SETD5: variants seen among roughly 807,000 people sequenced by gnomAD.
SETD5 encodes the protein histone-lysine N-methyltransferase SETD5.
SETD5 carries 44 observed loss-of-function variants against 153.3 expected under a neutral mutation model. The ratio of observed to expected loss-of-function variants is 0.29; its 90% CI spans 0.23 to 0.37. The LOEUF (loss-of-function observed/expected upper bound fraction) is 0.37. Ranked by LOEUF, SETD5 falls within the 10% of genes least tolerant of loss-of-function variation. The probability of loss-of-function intolerance (pLI) is 1.00; values close to 1 mark genes in which losing one functional copy is unlikely to be tolerated. For missense variants in SETD5, 1,544 were observed against 1,768.0 expected (o/e 0.87, Z 2.27); for synonymous variants, 716 against 645.2 (o/e 1.11, Z -1.66).
At chr3:9,426,975 T>G (rs986942796) in intron 2 of SETD5, among the ~76,000 whole-genome samples, 7 of 152,114 alleles carry the variant, frequency 4.6e-5, no homozygotes, top group African/African-American at 1.7e-4. Context: ...CTCTACCTCC[T>G]GTGCTCAGGT....
At chr3:9,450,083 A>G (rs181052450) in intron 16 of SETD5, among the ~76,000 whole-genome samples, 2 of 152,292 alleles carry the variant, frequency 1.3e-5, no homozygotes, top group East Asian at 3.9e-4. Context: ...ATCTTTTCCA[A>G]CTAGCAGAGA....
intron 1 of SETD5, among the ~76,000 whole-genome samples, chr3:9,408,045 T>G (rs1378593246): frequency 6.6e-6 from 1 of 152,138 alleles, no homozygotes; most frequent in Non-Finnish European, 1.5e-5. Context: ...CACGTTTTAC[T>G]TTCCTTGGGA....
At chr3:9,409,810 A>T (rs1442714378) in intron 1 of SETD5, among the ~76,000 whole-genome samples, 1 of 152,236 alleles carries the variant, frequency 6.6e-6, no homozygotes, top group Non-Finnish European at 1.5e-5. Context: ...ACTCAGTGCT[A>T]CATGATGTTT....
At chr3:9,413,900 C>G (rs1428491884) in intron 1 of SETD5, among the ~76,000 whole-genome samples, 3 of 152,054 alleles carry the variant, frequency 2.0e-5, no homozygotes, top group African/African-American at 7.2e-5. Flanking sequence ...ACCTCAGCCT[C>G]CCAAGTAGCT....
chr3:9,437,378 AAG>A (rs1283746083), intron 7 of SETD5, among the ~76,000 whole-genome samples: 4 of 152,184 alleles, frequency 2.6e-5, no homozygotes, highest in Non-Finnish European at 5.9e-5. Context: ...TATCAAATAA[AAG>A]AGTTTATGAA....
Position 9,445,030 on chromosome 3 carries a change from G to A in SETD5, c.1188-18G>A. On this transcript the variant is annotated intron_variant, in intron 11 of 22. Coordinates refer to ENST00000402198, the MANE Select transcript of SETD5 (RefSeq NM_001080517.3). ...CAAGGGTACTGAGACAGGCATTTTG[G>A]TTGTTTCTTTGGAGCAGTAATTATA... 6.2e-7 allele frequency: 1 copy of A among 1,608,612 alleles called. No individual in the cohort carries two copies. The highest frequency in any genetic ancestry group is 8.5e-7 in the Non-Finnish European group (1 of 1,176,872).
chr3:9,436,478 C>G (rs1003767363), intron 7 of SETD5, among the ~76,000 whole-genome samples: 3 of 152,174 alleles, frequency 2.0e-5, no homozygotes, highest in Non-Finnish European at 4.4e-5. Flanking sequence ...ACTTGTTCAT[C>G]CCTTGTTAAG....
chr3:9,415,805 TCTC>T (rs2037330522), intron 1 of SETD5, among the ~76,000 whole-genome samples: 1 of 151,466 alleles, frequency 6.6e-6, no homozygotes, highest in South Asian at 2.1e-4. Flanking sequence ...CTCAAGTGAT[TCTC>T]CTAAGTCAGC....
rs1367752837 is a variant in SETD5, at chr3:9,475,684, A to G, written c.3922A>G (p.Thr1308Ala). The part of the protein sequence containing the change: ...SYSSPAHPVS[T>A]DSLAPFTGTP... Reference sequence around the variant, plus strand: ...TTCCAGCCCCGCCCACCCTGTGTCCACAGACTCGTTGGCCCCATTTACGGG... The same window carrying G: ...TTCCAGCCCCGCCCACCCTGTGTCCGCAGACTCGTTGGCCCCATTTACGGG... Residue 1308 changes from threonine to alanine, a missense_variant, in exon 23 of 23, where the codon ACA (threonine) becomes GCA (alanine). This residue lies in a region of SETD5 where 302 missense variants were observed against 277.6 expected (regional missense o/e 1.09). Coordinates refer to ENST00000402198, the MANE Select transcript of SETD5 (RefSeq NM_001080517.3). 1 of 1,613,710 alleles carries G rather than the reference A, an allele frequency of 6.2e-7. No individual in the cohort carries two copies. The highest frequency in any genetic ancestry group is 8.5e-7 in the Non-Finnish European group (1 of 1,179,852).
At chr3:9,406,835 C>G (rs2035782996) in intron 1 of SETD5, among the ~76,000 whole-genome samples, 1 of 152,128 alleles carries the variant, frequency 6.6e-6, no homozygotes, top group Admixed American at 6.5e-5. Context: ...AATTGTTACA[C>G]ATTTTAATAT....
intron 1 of SETD5, among the ~76,000 whole-genome samples, chr3:9,404,047 G>T (rs1274055631): frequency 1.3e-5 from 2 of 152,136 alleles, no homozygotes; most frequent in Admixed American, 1.3e-4. Flanking sequence ...TATTTTAAAA[G>T]ACTTTAATTT....
At chr3:9,438,897 C>G (rs1365238854) in intron 7 of SETD5, among the ~76,000 whole-genome samples, 2 of 152,168 alleles carry the variant, frequency 1.3e-5, no homozygotes, top group Non-Finnish European at 2.9e-5. Flanking sequence ...CCAAATGTCA[C>G]CTGGGTGCAA....
intron 17 of SETD5, among the ~76,000 whole-genome samples, chr3:9,464,214 G>A (rs891995628): frequency 1.3e-5 from 2 of 152,276 alleles, no homozygotes; most frequent in African/African-American, 4.8e-5. Context: ...TGATTTACCT[G>A]GAGTTTGGGA....
At chr3:9,407,517 C>A (rs573648242) in intron 1 of SETD5, among the ~76,000 whole-genome samples, 2 of 152,074 alleles carry the variant, frequency 1.3e-5, no homozygotes, top group Admixed American at 1.3e-4. Flanking sequence ...AGTAGTACAC[C>A]GAGCAACAAG....
rs528658421 is a variant in SETD5 at position 9,402,966 on chromosome 3, A to G, written c.-177+4989A>G. On this transcript the variant is annotated intron_variant, in intron 1 of 22. Transcript: ENST00000402198. ...CTGCTTATGTCAGACTGACTCCCTTATTATGCCTCCAGTAGGCCTGTCAAT... is the reference window on the plus strand; with the variant it reads ...CTGCTTATGTCAGACTGACTCCCTTGTTATGCCTCCAGTAGGCCTGTCAAT... 3.0e-4 allele frequency among the ~76,000 whole-genome samples: 46 copies of G among 152,290 alleles called. 1 individual carries two copies. The highest frequency in any genetic ancestry group is 1.1e-3 in the African/African-American group (44 of 41,564).
At chr3:9,430,764 A>G (rs1022937851) in intron 3 of SETD5, 12 of 927,936 alleles carry the variant, frequency 1.3e-5, no homozygotes, top group South Asian at 5.0e-5. Flanking sequence ...AAGTATAGAC[A>G]TGACTGCCCG....
intron 17 of SETD5, chr3:9,454,093 A>G (rs2125358206): frequency 3.5e-6 from 1 of 284,458 alleles, no homozygotes; most frequent in Non-Finnish European, 6.2e-6. Context: ...AGAAATGGTT[A>G]TAAAAAAGGT....
intron 1 of SETD5, among the ~76,000 whole-genome samples, chr3:9,411,832 G>T (rs1172827197): frequency 6.6e-6 from 1 of 152,022 alleles, no homozygotes; most frequent in African/African-American, 2.4e-5. Flanking sequence ...ATACTTCATT[G>T]GTTATATGAA....
chr3:9,475,826 C>T lies in SETD5; in HGVS notation c.4064C>T (p.Ser1355Leu), dbSNP rs768107358. The T allele has an allele frequency of 3.7e-6, 6 of 1,614,028 alleles. No individual in the cohort carries two copies. In the South Asian group the frequency reaches 4.4e-5, roughly 12 times the overall value. ...CCTACCCTGCAGGGACCCTCAGACT[C>T]GCCAACCTCAGATTCAGTTTCTCAG... The part of the protein sequence containing the change: ...ASPTLQGPSD[S>L]PTSDSVSQSS... The change falls in exon 23 of 23, where the codon TCG becomes TTG. Residue 1355 changes from serine (S) to leucine (L), a missense_variant. Around this residue, in one of 9 missense-constraint regions of SETD5, gnomAD observed 302 missense variants for 277.6 expected, o/e 1.09. Transcript: ENST00000402198.
Sources: allele counts gnomAD v4.1 joint callset (sites outside exome capture counted in the v4.1 genomes callset), GRCh38; gene constraint gnomAD v4.1.1; regional missense constraint gnomAD v4.1.1; transcripts MANE v1.5; gene names NCBI Gene and HGNC (gene_info 2026-07-23, HGNC 2026-07-21).